MAP4K3: variants seen among roughly 807,000 people sequenced by gnomAD.
MAP4K3 encodes the protein MAPK/ERK kinase kinase kinase 3.
MAP4K3 carries 94 observed loss-of-function variants against 143.5 expected under a neutral mutation model. The ratio of observed to expected loss-of-function variants is 0.65; its 90% confidence interval spans 0.55 to 0.78. MAP4K3 has a LOEUF of 0.78. MAP4K3 is among the 30% of genes least tolerant of loss of function. MAP4K3 has a pLI of 0.00. For synonymous variants in MAP4K3, 416 were observed against 347.2 expected (o/e 1.20, Z -2.20); for missense variants, 1,077 against 1,068.1 (o/e 1.01, Z -0.12).
chr2:39,437,125 C>G lies in MAP4K3; in HGVS notation c.-138G>C. On this transcript the variant is annotated 5_prime_UTR_variant, in exon 1 of 34. Transcript: ENST00000263881. ...ATCACCCGGCTCCACGCTGCGGCCG[C>G]CGCCGCCGCCGCCGCTCCCCTCACG... The G allele has an allele frequency of 2.1e-6, 1 of 471,912 alleles. No homozygotes were observed. Among genetic ancestry groups the G allele is most frequent in the African/African-American group, 2.1e-5 (1 of 48,146 alleles). 29.2% of individuals were successfully genotyped at this position (471,912 alleles called of 1,614,324 possible). A position where few individuals can be genotyped will look rare whatever the true frequency, so the allele number is the denominator to read the frequency against.
At chr2:39,378,712 C>G (rs1573218701) in intron 1 of MAP4K3, among the ~76,000 whole-genome samples, 1 of 152,062 alleles carries the variant, frequency 6.6e-6, no homozygotes, top group African/African-American at 2.4e-5. Flanking sequence ...TCCTTTTAAA[C>G]ACACCTGATG....
At chr2:39,373,089 C>A (rs1425082252) in intron 2 of MAP4K3, among the ~76,000 whole-genome samples, 1 of 152,068 alleles carries the variant, frequency 6.6e-6, no homozygotes, top group Non-Finnish European at 1.5e-5. Flanking sequence ...AACAACTCCA[C>A]TGGGGAAAAA....
chr2:39,407,169 T>G (rs1465899912), intron 1 of MAP4K3, among the ~76,000 whole-genome samples: 1 of 151,978 alleles, frequency 6.6e-6, no homozygotes, highest in Non-Finnish European at 1.5e-5. Flanking sequence ...AAATCTAAAA[T>G]CTGTTCCTGA....
chr2:39,385,862 C>T (rs1402388708), intron 1 of MAP4K3, among the ~76,000 whole-genome samples: 3 of 151,962 alleles, frequency 2.0e-5, no homozygotes, highest in African/African-American at 4.8e-5. Flanking sequence ...AAACTCCTGA[C>T]GTCAGGTGAT....
chr2:39,343,012 A>T (rs1665185468), intron 4 of MAP4K3, among the ~76,000 whole-genome samples: 6 of 152,154 alleles, frequency 3.9e-5, no homozygotes, highest in Admixed American at 3.9e-4. Context: ...TTTAATTGAT[A>T]TTTCTTGAAT....
At chr2:39,262,235 T>C (rs1005638909) in intron 28 of MAP4K3, among the ~76,000 whole-genome samples, 2 of 152,184 alleles carry the variant, frequency 1.3e-5, no homozygotes, top group African/African-American at 2.4e-5. Flanking sequence ...TTTTAAAGTG[T>C]TGGAAGACAC....
At chr2:39,370,172 G>A (rs971617146) in intron 2 of MAP4K3, among the ~76,000 whole-genome samples, 1 of 152,126 alleles carries the variant, frequency 6.6e-6, no homozygotes, top group South Asian at 2.1e-4. Context: ...TTATTTTGGA[G>A]CATTATTACC....
At chr2:39,395,260 G>C (rs1666773336) in intron 1 of MAP4K3, among the ~76,000 whole-genome samples, 1 of 152,064 alleles carries the variant, frequency 6.6e-6, no homozygotes, top group African/African-American at 2.4e-5. Context: ...AACATAGCTT[G>C]CTGCTGACAA....
At chr2:39,419,534 C>T (rs1218067312) in intron 1 of MAP4K3, among the ~76,000 whole-genome samples, 1 of 152,038 alleles carries the variant, frequency 6.6e-6, no homozygotes, top group African/African-American at 2.4e-5. Context: ...GCAGCTCCGC[C>T]CAGTAATTAA....
chr2:39,354,279 TA>T (rs2148549944), intron 3 of MAP4K3, among the ~76,000 whole-genome samples: 1 of 152,006 alleles, frequency 6.6e-6, no homozygotes, highest in Non-Finnish European at 1.5e-5. Flanking sequence ...CCGTCTCTAC[TA>T]AAAATACAAA....
At chr2:39,435,642 C>G (rs1665440690) in intron 1 of MAP4K3, among the ~76,000 whole-genome samples, 1 of 152,272 alleles carries the variant, frequency 6.6e-6, no homozygotes, top group East Asian at 1.9e-4. Context: ...ATTTAAATGG[C>G]TATTTAATAC....
chr2:39,302,407 A>G lies in MAP4K3; in HGVS notation c.1120-2606T>C, dbSNP rs966262330. 5.3e-5 allele frequency among the ~76,000 whole-genome samples: 8 copies of G among 152,364 alleles called. No individual in the cohort carries two copies. The East Asian group carries it at 1.5e-3, about 29-fold the overall frequency. On this transcript the variant is annotated intron_variant, in intron 15 of 33. Transcript: ENST00000263881. The stretch of plus-strand genomic sequence containing the variant: ...TCATTTAATACAACCATTGTTTACC[A>G]AGCACCTATTATCTGACAGGAATTC...
intron 1 of MAP4K3, among the ~76,000 whole-genome samples, chr2:39,393,871 T>TA (rs1010721093): frequency 1.3e-5 from 2 of 152,022 alleles, no homozygotes; most frequent in African/African-American, 2.4e-5. Flanking sequence ...TGAGTTTGGT[T>TA]AAAAAAAATC....
chr2:39,418,063 T>C (rs7591102), intron 1 of MAP4K3, among the ~76,000 whole-genome samples: 144,805 of 152,112 alleles, frequency 0.95, 69,325 homozygotes, highest in Non-Finnish European at 1. Flanking sequence ...ATTAGCTGGA[T>C]GTGGTGGCGC....
At chr2:39,255,970 G>T (rs1680327018) in intron 31 of MAP4K3, among the ~76,000 whole-genome samples, 1 of 152,200 alleles carries the variant, frequency 6.6e-6, no homozygotes, top group East Asian at 1.9e-4. Flanking sequence ...ACATGATGTA[G>T]TTCTTCACTT....
At chr2:39,344,320 A>G (rs756782479) in intron 3 of MAP4K3, among the ~76,000 whole-genome samples, 1 of 152,224 alleles carries the variant, frequency 6.6e-6, no homozygotes, top group Non-Finnish European at 1.5e-5. Context: ...GATTTTGTAC[A>G]CCTCTGCAAC....
At chr2:39,435,387 T>C (rs1481080358) in intron 1 of MAP4K3, among the ~76,000 whole-genome samples, 3 of 152,236 alleles carry the variant, frequency 2.0e-5, no homozygotes, top group African/African-American at 7.2e-5. Flanking sequence ...CCTCCCGCTC[T>C]GGCTGCTCAG....
intron 12 of MAP4K3, among the ~76,000 whole-genome samples, chr2:39,318,744 T>C (rs1267737268): frequency 1.3e-5 from 2 of 152,198 alleles, no homozygotes; most frequent in Non-Finnish European, 2.9e-5. Context: ...ACCCTGCCCT[T>C]ACAAACCATT....
In MAP4K3 at chr2:39,371,126, T is replaced by C. The variant is rs551814008; in HGVS notation, c.154+6940A>G. On this transcript the variant is annotated intron_variant, in intron 2 of 33. Transcript: ENST00000263881. ...TGACAAATTCAGGTTTACTGACCCA[T>C]TGCAATGAGGAAAACTACACGCCAG... 1.1e-4 allele frequency among the ~76,000 whole-genome samples: 16 copies of C among 152,234 alleles called. No homozygotes were observed. In the South Asian group the frequency reaches 1.2e-3, roughly 12 times the overall value.
Sources: allele counts gnomAD v4.1 joint callset (sites outside exome capture counted in the v4.1 genomes callset), GRCh38; gene constraint gnomAD v4.1.1; transcripts MANE v1.5; gene names NCBI Gene and HGNC (gene_info 2026-07-23, HGNC 2026-07-21).